The following SMARCA2 variants were observed in gnomAD, a reference collection of about 807,000 sequenced individuals.
SMARCA2 encodes SWI/SNF related BAF chromatin remodeling complex subunit ATPase 2.
In SMARCA2, 61 loss-of-function variants were observed where a neutral mutation model predicts 199.8. That is an observed-to-expected ratio of 0.31 (90% CI 0.25 to 0.38). SMARCA2 has a LOEUF of 0.38. Among genes scored for constraint, SMARCA2 ranks in the 10% least tolerant of loss-of-function variants. The probability of loss-of-function intolerance (pLI) is 1.00; values close to 1 mark genes in which losing one functional copy is unlikely to be tolerated. For synonymous variants in SMARCA2, 935 were observed against 732.0 expected (o/e 1.28, Z -4.48); for missense variants, 1,344 against 2,012.2 (o/e 0.67, Z 6.35).
intron 13 of SMARCA2, 85 bp from the exon 14 acceptor site, chr9:2,077,544 G>T: frequency 7.4e-7 from 1 of 1,342,532 alleles, no homozygotes; most frequent in Non-Finnish European, 1.1e-6. Context: ...AGCTATTTTA[G>T]GTTCTCAAAT....
Position 2,170,507 on chromosome 9 carries a change from T to C in SMARCA2, c.4253+35T>C, listed in dbSNP as rs1826191130. On this transcript the variant is annotated intron_variant, in intron 29 of 33. Transcript: ENST00000349721. The surrounding 1 kb of genome is among the most constrained non-coding windows in gnomAD (Gnocchi z 4.7). ...TGTCTTGTATTCCCCTATCTCTAAA[T>C]ACAGGTATCCCTCGTTACGTGAAAC... is the stretch of plus-strand genomic sequence containing the variant. 2 of 1,613,716 alleles carry C rather than the reference T, an allele frequency of 1.2e-6. No homozygotes were observed. Among genetic ancestry groups the C allele is most frequent in the Non-Finnish European group, 1.7e-6 (2 of 1,179,848 alleles).
chr9:2,137,530 G>T (rs757984613), intron 27 of SMARCA2, among the ~76,000 whole-genome samples: 38 of 152,064 alleles, frequency 2.5e-4, no homozygotes, highest in Non-Finnish European at 5.9e-5. Context: ...TCTCCTCCTT[G>T]TCCCAATGAT....
chr9:2,136,247 G>T (rs1158923796), intron 27 of SMARCA2, among the ~76,000 whole-genome samples: 1 of 149,162 alleles, frequency 6.7e-6, no homozygotes, highest in Non-Finnish European at 1.5e-5. Context: ...GAGTGCAGTG[G>T]CACGATCTTG....
intron 10 of SMARCA2, among the ~76,000 whole-genome samples, chr9:2,071,623 C>G (rs1006463283): frequency 6.6e-6 from 1 of 152,128 alleles, no homozygotes; most frequent in African/African-American, 2.4e-5. Context: ...GTCCTGTTTG[C>G]TAAGGATTGC....
chr9:2,022,802 C>G (rs879072345), intron 1 of SMARCA2, among the ~76,000 whole-genome samples: 2 of 152,140 alleles, frequency 1.3e-5, no homozygotes, highest in South Asian at 4.1e-4. Context: ...TGTAAATATA[C>G]GTGACATATT....
At chr9:2,063,403 C>T (rs1162531256) in intron 9 of SMARCA2, among the ~76,000 whole-genome samples, 1 of 152,176 alleles carries the variant, frequency 6.6e-6, no homozygotes, top group Admixed American at 6.5e-5. Context: ...GGAGTTGCTT[C>T]TTCTAGCTTC....
intron 27 of SMARCA2, among the ~76,000 whole-genome samples, chr9:2,142,318 A>G (rs1824502374): frequency 6.6e-6 from 1 of 152,236 alleles, no homozygotes; most frequent in Non-Finnish European, 1.5e-5. Context: ...CTTAATAGAA[A>G]GGGTAGAGGA....
rs60293281 is a variant in SMARCA2 at position 2,097,548 on chromosome 9, G to GA, written c.3078+88dup. On this transcript the variant is annotated intron_variant, in intron 21 of 33. Transcript: ENST00000349721. ...TAGTTAAAAAAAAACAAACAAACAG[G>GA]AAAAAAAAAAACCAAAATAGATTTA... 0.045 allele frequency: 31,847 copies of GA among 701,448 alleles called. 84 individuals are homozygous for GA. The highest frequency in any genetic ancestry group is 0.06 in the African/African-American group (3,260 of 53,998). 43.5% of individuals were successfully genotyped at this position (701,448 alleles called of 1,614,324 possible). A position where few individuals can be genotyped will look rare whatever the true frequency, so the allele number is the denominator to read the frequency against.
At chr9:2,019,289 T>C (rs1218002317) in intron 1 of SMARCA2, among the ~76,000 whole-genome samples, 3 of 152,182 alleles carry the variant, frequency 2.0e-5, no homozygotes, top group Non-Finnish European at 4.4e-5. Context: ...CTTCCTTCAA[T>C]GCAGCCTTTC....
chr9:2,084,021 A>G, intron 16 of SMARCA2, 65 bp from the exon 17 acceptor site: 1 of 852,688 alleles, frequency 1.2e-6, no homozygotes, highest in Non-Finnish European at 2.0e-6. Context: ...TAAGCTATGA[A>G]AAGTGAGAAA....
intron 22 of SMARCA2, among the ~76,000 whole-genome samples, chr9:2,102,854 A>T (rs1395646783): frequency 6.6e-6 from 1 of 152,096 alleles, no homozygotes; most frequent in Non-Finnish European, 1.5e-5. Flanking sequence ...GAAAACGTTC[A>T]GTATAGCTCA....
intron 8 of SMARCA2, among the ~76,000 whole-genome samples, chr9:2,059,785 G>C (rs1306335092): frequency 3.9e-5 from 6 of 152,176 alleles, no homozygotes; most frequent in Non-Finnish European, 8.8e-5. Flanking sequence ...GCAGATGCTA[G>C]AGTGACACCC....
At chr9:2,060,292 A>G (rs781446742) in intron 8 of SMARCA2, among the ~76,000 whole-genome samples, 19 of 152,128 alleles carry the variant, frequency 1.2e-4, no homozygotes, top group Non-Finnish European at 2.6e-4. Flanking sequence ...TTATGAATGA[A>G]AGGATATTAT....
chr9:2,052,249 G>A lies in SMARCA2; in HGVS notation c.1047-2348G>A, dbSNP rs75729973. Among the ~76,000 whole-genome samples, 185 of 152,338 alleles carry A rather than the reference G, an allele frequency of 1.2e-3. 2 individuals carry two copies. Among genetic ancestry groups the A allele is most frequent in the African/African-American group, 4.4e-3 (182 of 41,580 alleles). ...AGCACTTCGGGAGGCCGATGCCTGC[G>A]GATCACCTGAGGTCAGGAGTTTGAG... is the stretch of plus-strand genomic sequence containing the variant. On this transcript the variant is annotated intron_variant, in intron 5 of 33. Transcript: ENST00000349721.
In SMARCA2 at chr9:2,084,104, C is replaced by T; in HGVS notation, c.2434C>T (p.Arg812Cys). 6.2e-7 allele frequency: 1 copy of T among 1,609,128 alleles called. No individual in the cohort carries two copies. The highest frequency in any genetic ancestry group is 8.5e-7 in the Non-Finnish European group (1 of 1,175,570). Residue 812 changes from arginine (R) to cysteine (C), a missense_variant, in exon 17 of 34, where the codon CGC becomes TGC. This residue lies in a region of SMARCA2 where 50 missense variants were observed against 81.6 expected (regional missense o/e 0.61). Coordinates refer to ENST00000349721, the MANE Select transcript of SMARCA2 (RefSeq NM_003070.5). ...ISYKGTPAMR[R>C]SLVPQLRSGK... ...CATTCAGGGTACTCCTGCCATGCGT[C>T]GCTCCCTTGTCCCCCAGCTACGGAG... is the stretch of plus-strand genomic sequence containing the variant.
intron 27 of SMARCA2, among the ~76,000 whole-genome samples, chr9:2,155,420 C>T (rs1305306820): frequency 6.6e-5 from 10 of 152,076 alleles, no homozygotes; most frequent in Middle Eastern, 3.4e-3. Flanking sequence ...GTAGCTGGGA[C>T]TACAGGCACG....
intron 9 of SMARCA2, among the ~76,000 whole-genome samples, chr9:2,065,166 C>T (rs925595313): frequency 6.6e-6 from 1 of 151,970 alleles, no homozygotes; most frequent in East Asian, 1.9e-4. Context: ...GCCTGGGCGA[C>T]AGAGCGAGAC....
Position 2,115,503 on chromosome 9 carries a change from T to C in SMARCA2, c.3457-319T>C, listed in dbSNP as rs143940738. 3.9e-3 allele frequency among the ~76,000 whole-genome samples: 595 copies of C among 152,306 alleles called. 2 individuals carry two copies. The highest frequency in any genetic ancestry group is 0.014 in the African/African-American group (566 of 41,584). ...AAGTCATAATTCTGACATTGGACAT[T>C]GGTGTCTTGTTTAATGTTTTAGATA... On this transcript the variant is annotated intron_variant, in intron 24 of 33. Transcript: ENST00000349721. The surrounding 1 kb of genome is among the most constrained non-coding windows in gnomAD (Gnocchi z 6.0).
intron 26 of SMARCA2, among the ~76,000 whole-genome samples, chr9:2,121,092 G>A (rs1328797979): frequency 6.6e-6 from 1 of 152,188 alleles, no homozygotes; most frequent in African/African-American, 2.4e-5. Flanking sequence ...TCAAGACACT[G>A]GAGAGGACAA....
Sources: allele counts gnomAD v4.1 joint callset (sites outside exome capture counted in the v4.1 genomes callset), GRCh38; gene constraint gnomAD v4.1.1; regional missense constraint gnomAD v4.1.1; non-coding constraint Gnocchi (gnomAD v3.1); transcripts MANE v1.5; gene names NCBI Gene and HGNC (gene_info 2026-07-23, HGNC 2026-07-21).